The following RNF6 variants were observed in gnomAD, a reference collection of about 807,000 sequenced individuals.
RNF6 encodes the protein E3 ubiquitin-protein ligase RNF6.
In RNF6, 21 loss-of-function variants were observed where a neutral mutation model predicts 50.1. The ratio of observed to expected loss-of-function variants is 0.42; its 90% confidence interval spans 0.30 to 0.60. RNF6 has a LOEUF of 0.60. Ranked by LOEUF, RNF6 falls within the 20% of genes least tolerant of loss-of-function variation. The pLI, the probability that RNF6 is intolerant of heterozygous loss-of-function variation, is 0.20. For missense variants in RNF6, 698 were observed against 838.2 expected (o/e 0.83, Z 2.07); for synonymous variants, 255 against 291.8 (o/e 0.87, Z 1.29).
intron 5 of RNF6, among the ~76,000 whole-genome samples, chr13:26,140,016 T>A (rs1250356449): frequency 6.6e-6 from 1 of 152,158 alleles, no homozygotes; most frequent in Non-Finnish European, 1.5e-5. Flanking sequence ...GACTGATACG[T>A]AACTATTGGC....
At chr13:26,168,348 G>A (rs959803255) in intron 5 of RNF6, among the ~76,000 whole-genome samples, 7 of 152,144 alleles carry the variant, frequency 4.6e-5, no homozygotes, top group South Asian at 2.1e-4. Flanking sequence ...GCCCTTCTGC[G>A]TGAGATAAAA....
intron 5 of RNF6, among the ~76,000 whole-genome samples, chr13:26,160,193 T>C (rs2137606686): frequency 6.6e-6 from 1 of 152,310 alleles, no homozygotes; most frequent in East Asian, 1.9e-4. Flanking sequence ...AGAATCTACT[T>C]AGTATCAAAA....
chr13:26,160,017 A>G (rs376919083), intron 5 of RNF6, among the ~76,000 whole-genome samples: 120 of 152,290 alleles, frequency 7.9e-4, no homozygotes, highest in Middle Eastern at 3.4e-3. Flanking sequence ...TATGATATAA[A>G]CTACTGATCA....
chr13:26,205,080 T>C (rs986132306), intron 5 of RNF6, among the ~76,000 whole-genome samples: 18 of 152,180 alleles, frequency 1.2e-4, no homozygotes, highest in Admixed American at 2.0e-4. Flanking sequence ...CCCAAAGTCC[T>C]ACCAAGCCAG....
chr13:26,203,460 A>T (rs1438026086), intron 5 of RNF6, among the ~76,000 whole-genome samples: 2 of 152,250 alleles, frequency 1.3e-5, no homozygotes, highest in Non-Finnish European at 2.9e-5. Flanking sequence ...GTAGTCATGG[A>T]GGTGCACCAC....
At chr13:26,151,803 G>C (rs958410716) in intron 5 of RNF6, among the ~76,000 whole-genome samples, 3 of 152,090 alleles carry the variant, frequency 2.0e-5, no homozygotes, top group African/African-American at 7.2e-5. Flanking sequence ...AAAAAAGGGG[G>C]GAAATTTTAG....
chr13:26,165,296 G>T (rs1009272270), intron 5 of RNF6, among the ~76,000 whole-genome samples: 1 of 152,202 alleles, frequency 6.6e-6, no homozygotes, highest in Non-Finnish European at 1.5e-5. Context: ...TCTAGATTTC[G>T]GAGAATGTAT....
intron 5 of RNF6, among the ~76,000 whole-genome samples, chr13:26,178,398 G>A (rs1255169101): frequency 6.6e-6 from 1 of 151,538 alleles, no homozygotes; most frequent in African/African-American, 2.4e-5. Context: ...TCTTTTATGA[G>A]GGCATTAGTC....
At chr13:26,132,940 T>G (rs1870469560) in intron 5 of RNF6, among the ~76,000 whole-genome samples, 1 of 152,126 alleles carries the variant, frequency 6.6e-6, no homozygotes, top group African/African-American at 2.4e-5. Flanking sequence ...GTGCCAGAAT[T>G]TGCATTTCTA....
chr13:26,153,038 G>A (rs1191393081), intron 5 of RNF6, among the ~76,000 whole-genome samples: 4 of 151,674 alleles, frequency 2.6e-5, no homozygotes, highest in African/African-American at 7.3e-5. Context: ...CTGTAGTCCC[G>A]GCTACTTACG....
intron 5 of RNF6, among the ~76,000 whole-genome samples, chr13:26,202,114 A>G (rs1364688560): frequency 6.6e-6 from 1 of 152,186 alleles, no homozygotes; most frequent in Non-Finnish European, 1.5e-5. Flanking sequence ...AAACTTGGAG[A>G]ACCGAGGCCT....
In RNF6 at chr13:26,215,335, CA is replaced by C; in HGVS notation, c.546del (p.Ala183GlnfsTer21). 6.2e-7 allele frequency: 1 copy of C among 1,614,196 alleles called. No homozygotes were observed. The highest frequency in any genetic ancestry group is 1.1e-5 in the South Asian group (1 of 91,084). ...IPLSDSNRDH[T>X]ANRQQRSTSP... ...CTAGTTGACCTTTGTTGCCTATTTG[CA>C]GTATGATCTCTGTTACTATCTGAAA... On this transcript the variant is annotated frameshift_variant, in exon 5 of 5. Coordinates refer to ENST00000381588, the MANE Select transcript of RNF6 (RefSeq NM_005977.4). LOFTEE classifies it high-confidence loss of function.
chr13:26,156,312 A>G (rs1275583325), intron 5 of RNF6, among the ~76,000 whole-genome samples: 1 of 152,218 alleles, frequency 6.6e-6, no homozygotes, highest in Admixed American at 6.5e-5. Flanking sequence ...CGATCCACAA[A>G]TGAAGACACA....
chr13:26,181,476 G>C (rs1360871509), intron 5 of RNF6, among the ~76,000 whole-genome samples: 4 of 152,192 alleles, frequency 2.6e-5, no homozygotes, highest in African/African-American at 4.8e-5. Context: ...GTGATGTCAG[G>C]GGTGGCCTGC....
chr13:26,137,318 GA>G (rs149682418), intron 5 of RNF6, among the ~76,000 whole-genome samples: 3,040 of 151,916 alleles, frequency 0.02, 113 homozygotes, highest in African/African-American at 0.069. Context: ...TTTTTTTAAA[GA>G]AAATTAGAAT....
chr13:26,193,757 T>C (rs1475323785), intron 5 of RNF6, among the ~76,000 whole-genome samples: 2 of 152,184 alleles, frequency 1.3e-5, no homozygotes, highest in African/African-American at 4.8e-5. Context: ...ACAGTAGATA[T>C]TTGTCAAAGC....
At chr13:26,154,744 T>G (rs1871814384) in intron 5 of RNF6, among the ~76,000 whole-genome samples, 1 of 152,166 alleles carries the variant, frequency 6.6e-6, no homozygotes, top group Admixed American at 6.5e-5. Context: ...ACGACAAAAC[T>G]CCCGGCTGGG....
chr13:26,192,213 TG>T (rs1238455326), intron 5 of RNF6, among the ~76,000 whole-genome samples: 1 of 152,182 alleles, frequency 6.6e-6, no homozygotes, highest in Non-Finnish European at 1.5e-5. Flanking sequence ...ATATTGAAAA[TG>T]GGCAAAGGCA....
intron 5 of RNF6, among the ~76,000 whole-genome samples, chr13:26,137,306 T>A (rs1471604729): frequency 6.7e-6 from 1 of 148,992 alleles, no homozygotes; most frequent in African/African-American, 2.5e-5. Context: ...ACTAAAGAGC[T>A]TTTTTTTTAA....
Sources: gnomAD v4.1 joint callset for allele counts (sites outside exome capture counted in the v4.1 genomes callset) on GRCh38, gnomAD v4.1.1 for gene constraint, MANE v1.5 for transcripts, NCBI Gene and HGNC (gene_info 2026-07-23, HGNC 2026-07-21) for gene names.